Variants in ARHGAP27 observed in about 807,000 individuals in gnomAD.
The protein encoded by ARHGAP27 is rho GTPase-activating protein 27.
Under a neutral mutation model 102.0 loss-of-function variants are expected in ARHGAP27, and 53 were observed. The observed-to-expected ratio is 0.52, with a 90% confidence interval of 0.42 to 0.65. The LOEUF (loss-of-function observed/expected upper bound fraction) is 0.65. ARHGAP27 is among the 30% of genes least tolerant of loss of function. The pLI, the probability that ARHGAP27 is intolerant of heterozygous loss-of-function variation, is 0.00. For synonymous variants in ARHGAP27, 525 were observed against 542.8 expected, an observed-to-expected ratio of 0.97 and a Z score of 0.46; for missense variants, 1,117 against 1,256.2, an observed-to-expected ratio of 0.89 and a Z score of 1.68.
At chr17:45,399,240 T>C (rs1230097) in intron 12 of ARHGAP27, among the ~76,000 whole-genome samples, 1 of 151,978 alleles carries the variant, frequency 6.6e-6, no homozygotes, top group East Asian at 1.9e-4. Context: ...TAGAATTGGA[T>C]TGGACTATCT....
In ARHGAP27 at chr17:45,430,065, T is replaced by C; in HGVS notation, c.215A>G (p.Asn72Ser). Reference sequence around the variant, plus strand: ...ACCTGGCGGCGCGGCGGCGGCAGGGTTGCCCAGCGCGGGCAGCTCGCGCAC... The same window carrying C: ...ACCTGGCGGCGCGGCGGCGGCAGGGCTGCCCAGCGCGGGCAGCTCGCGCAC... ...QYVRELPALG[N>S]PAAAAPPGPH... The change falls in exon 4 of 20, where the codon AAC becomes AGC. Residue 72 changes from asparagine (N) to serine (S), a missense_variant. Physicochemically the swap from Asn to Ser is conservative, Grantham distance 46 (BLOSUM62 1). Around this residue, in one of 3 missense-constraint regions of ARHGAP27, gnomAD observed 610 missense variants for 716.4 expected, o/e 0.85. Coordinates refer to ENST00000685559, the MANE Select transcript of ARHGAP27 (RefSeq NM_001282290.2). This position sits in a 1 kb window ranked among gnomAD's most constrained non-coding sequence, Gnocchi z 4.4. 2 of 1,322,212 alleles carry C rather than the reference T, an allele frequency of 1.5e-6. No homozygotes were observed. Among genetic ancestry groups the C allele is most frequent in the South Asian group, 1.9e-5 (1 of 52,764 alleles). 81.9% of individuals were successfully genotyped at this position (1,322,212 alleles called of 1,614,324 possible).
At position 45,430,491 on chromosome 17, in the gene ARHGAP27, G is replaced by A. The variant is rs1030659095; in HGVS notation, c.-18-194C>T. 6.6e-6 allele frequency among the ~76,000 whole-genome samples: 1 copy of A among 152,204 alleles called. No homozygotes were observed. The highest frequency in any genetic ancestry group is 2.4e-5 in the African/African-American group (1 of 41,442). ...GGCTTCCATTCTTACACTCAGTGCT[G>A]GAATTAGGACAGCCCTTCGTTCTGT... On this transcript the variant is annotated intron_variant, in intron 3 of 19. Transcript: ENST00000685559. The surrounding 1 kb of genome is among the most constrained non-coding windows in gnomAD (Gnocchi z 4.4).
At chr17:45,414,289 C>A (rs2048220001) in intron 4 of ARHGAP27, among the ~76,000 whole-genome samples, 1 of 152,094 alleles carries the variant, frequency 6.6e-6, no homozygotes, top group African/African-American at 2.4e-5. Flanking sequence ...GCACAGGGGC[C>A]TGCCGTCCAA....
chr17:45,395,931 G>T, intron 18 of ARHGAP27, 52 bp downstream of exon 18: 1 of 1,569,170 alleles, frequency 6.4e-7, no homozygotes, highest in East Asian at 2.3e-5. Context: ...CTGCTAAAGG[G>T]GTGCCCCGCC....
chr17:45,425,613 CG>C lies in ARHGAP27; in HGVS notation c.657+4009del, dbSNP rs1340097902. 3 of 985,428 alleles carry C rather than the reference CG, an allele frequency of 3.0e-6. No individual in the cohort carries two copies. In the African/African-American group the frequency reaches 5.2e-5, roughly 17 times the overall value. 61.0% of individuals were successfully genotyped at this position (985,428 alleles called of 1,614,324 possible). A position where few individuals can be genotyped will look rare whatever the true frequency, so the allele number is the denominator to read the frequency against. ...ATGAGGGCCCCGGGCTCCTTCCAGTCGGGGCTGCCTGCTCATGTGCGGCGCC... is the reference window on the plus strand; with the variant it reads ...ATGAGGGCCCCGGGCTCCTTCCAGTCGGGCTGCCTGCTCATGTGCGGCGCC... On this transcript the variant is annotated intron_variant, in intron 4 of 19. Transcript: ENST00000685559.
intron 4 of ARHGAP27, chr17:45,410,192 A>G (rs1339052896): frequency 1.1e-5 from 17 of 1,531,432 alleles, no homozygotes; most frequent in South Asian, 7.2e-5. Context: ...GGCTTGTGGT[A>G]GAGGCCCACC....
At position 45,395,460 on chromosome 17, in the gene ARHGAP27, T is replaced by G. The variant is rs1433391162; in HGVS notation, c.2666A>C (p.His889Pro). 3 of 1,558,182 alleles carry G rather than the reference T, an allele frequency of 1.9e-6. No homozygotes were observed. The African/African-American group carries it at 4.1e-5, about 21-fold the overall frequency. The part of the protein sequence containing the change: ...LQQCADIFPP[H>P] ...GCCCCAGTCACAGGCCAGCAGTCAG[T>G]GCGGCGGGAAGATGTCCGCGCACTG... Residue 889 changes from histidine to proline, a missense_variant, in exon 20 of 20, where the codon CAC becomes CCC. By Grantham distance (77) the His-to-Pro change is moderately conservative. Around this residue, in one of 3 missense-constraint regions of ARHGAP27, gnomAD observed 493 missense variants for 505.5 expected, o/e 0.98. Coordinates refer to ENST00000685559, the MANE Select transcript of ARHGAP27 (RefSeq NM_001282290.2).
chr17:45,403,514 A>C (rs1010253136), intron 11 of ARHGAP27, 105 bp downstream of exon 11: 8 of 962,680 alleles, frequency 8.3e-6, no homozygotes, highest in African/African-American at 1.7e-5. Flanking sequence ...TTACACCACT[A>C]CACTCCAGCC....
In ARHGAP27 at chr17:45,413,994, T is replaced by C. The variant is rs531714479; in HGVS notation, c.658-7911A>G. Reference sequence around the variant, plus strand: ...GGTGGCGTGCGCCTGTAATTCCAGCTACTCGGGAGGCTGAGGCAAGAGAAT... The same window carrying C: ...GGTGGCGTGCGCCTGTAATTCCAGCCACTCGGGAGGCTGAGGCAAGAGAAT... On this transcript the variant is annotated intron_variant, in intron 4 of 19. Coordinates refer to ENST00000685559, the MANE Select transcript of ARHGAP27 (RefSeq NM_001282290.2). Among the ~76,000 whole-genome samples, 3 of 152,098 alleles carry C rather than the reference T, an allele frequency of 2.0e-5. No homozygotes were observed. In the East Asian group the frequency reaches 5.8e-4, roughly 29 times the overall value.
intron 4 of ARHGAP27, among the ~76,000 whole-genome samples, chr17:45,413,746 C>T (rs1001732470): frequency 1.3e-5 from 2 of 152,090 alleles, no homozygotes; most frequent in Non-Finnish European, 2.9e-5. Flanking sequence ...GGGCTCACAA[C>T]GCTTGTGCTC....
chr17:45,400,839 C>T (rs1230285248), intron 12 of ARHGAP27, among the ~76,000 whole-genome samples: 2 of 152,066 alleles, frequency 1.3e-5, no homozygotes, highest in South Asian at 2.1e-4. Flanking sequence ...CACTTGAATC[C>T]GAGAGGCAGA....
chr17:45,403,185 C>T (rs2046652499), intron 11 of ARHGAP27, among the ~76,000 whole-genome samples: 1 of 152,240 alleles, frequency 6.6e-6, no homozygotes, highest in African/African-American at 2.4e-5. Flanking sequence ...GCCAGTATCA[C>T]CCCCTTCCTG....
Position 45,423,187 on chromosome 17 carries a change from A to T in ARHGAP27, c.657+6436T>A, listed in dbSNP as rs540373533. Among the ~76,000 whole-genome samples, 29 of 152,326 alleles carry T rather than the reference A, an allele frequency of 1.9e-4. No individual in the cohort carries two copies. In the South Asian group the frequency reaches 5.8e-3, roughly 30 times the overall value. On this transcript the variant is annotated intron_variant, in intron 4 of 19. Transcript: ENST00000685559. Reference sequence around the variant, plus strand: ...CATCTCAAAAAAATAAAATTAAAATAAAAATAAAAAAAGAAAATACGCATT... The same window carrying T: ...CATCTCAAAAAAATAAAATTAAAATTAAAATAAAAAAAGAAAATACGCATT...
In ARHGAP27 at chr17:45,432,779, C is replaced by T. The variant is rs1304746104; in HGVS notation, c.-312G>A. The T allele has an allele frequency of 6.6e-6, 1 of 152,242 alleles. No homozygotes were observed. The highest frequency in any genetic ancestry group is 2.1e-4 in the South Asian group (1 of 4,830). 9.4% of individuals were successfully genotyped at this position (152,242 alleles called of 1,614,324 possible). A position where few individuals can be genotyped will look rare whatever the true frequency, so the allele number is the denominator to read the frequency against. The stretch of plus-strand genomic sequence containing the variant: ...CGGGGCGTCCGCTCGCCGGCTTCGC[C>T]TCCACTTGCCCCGGCAGGCGCGCGT... On this transcript the variant is annotated 5_prime_UTR_variant, in exon 1 of 20. Coordinates refer to ENST00000685559, the MANE Select transcript of ARHGAP27 (RefSeq NM_001282290.2).
At chr17:45,420,914 G>A (rs1487998554) in intron 4 of ARHGAP27, among the ~76,000 whole-genome samples, 1 of 131,816 alleles carries the variant, frequency 7.6e-6, no homozygotes, top group Non-Finnish European at 1.5e-5. Flanking sequence ...TCATGCCACT[G>A]CACTCCAGCC....
chr17:45,404,981 A>G lies in ARHGAP27; in HGVS notation c.1191T>C (p.Ser397=). The G allele has an allele frequency of 6.2e-7, 1 of 1,614,064 alleles. No individual in the cohort carries two copies. Among genetic ancestry groups the G allele is most frequent in the Non-Finnish European group, 8.5e-7 (1 of 1,179,998 alleles). The change falls in exon 6 of 20, where the codon TCT becomes TCC. Residue 397 remains serine, a synonymous_variant. Transcript: ENST00000685559. ...TCTGCTTGTCCTGGCTGACATGACA[A>G]GACCAGCCGGGGGGTGTGGTCAAGG... ...TSPLTTPPGW[S]CHVSQDKQML...
chr17:45,407,133 C>T (rs1225698375), intron 4 of ARHGAP27, among the ~76,000 whole-genome samples: 3 of 152,170 alleles, frequency 2.0e-5, no homozygotes, highest in Non-Finnish European at 2.9e-5. Flanking sequence ...AAGAGACCGT[C>T]CCTCACCGGC....
intron 4 of ARHGAP27, among the ~76,000 whole-genome samples, chr17:45,418,134 G>A (rs1173803595): frequency 1.3e-5 from 2 of 149,418 alleles, no homozygotes; most frequent in Admixed American, 6.7e-5. Context: ...ATATAGAGGC[G>A]AGGTCTCACT....
intron 12 of ARHGAP27, among the ~76,000 whole-genome samples, chr17:45,401,151 G>C (rs1370147264): frequency 6.6e-6 from 1 of 152,048 alleles, no homozygotes; most frequent in Non-Finnish European, 1.5e-5. Context: ...AGACCTGCCT[G>C]GGCAACATAG....
Sources: allele counts gnomAD v4.1 joint callset (sites outside exome capture counted in the v4.1 genomes callset), GRCh38; gene constraint gnomAD v4.1.1; regional missense constraint gnomAD v4.1.1; non-coding constraint Gnocchi (gnomAD v3.1); transcripts MANE v1.5; gene names NCBI Gene and HGNC (gene_info 2026-07-23, HGNC 2026-07-21).